Variants in NALF1 observed in about 807,000 individuals in gnomAD.
NALF1 encodes the protein family with sequence similarity 155 member A.
A neutral mutation model predicts 48.4 loss-of-function variants in NALF1; 3 were observed. The ratio of observed to expected loss-of-function variants is 0.06; its 90% CI spans 0.03 to 0.16. The LOEUF is 0.16. NALF1 is among the 10% of genes least tolerant of loss of function. The probability of loss-of-function intolerance (pLI) is 1.00; values close to 1 mark genes in which losing one functional copy is unlikely to be tolerated. For missense variants in NALF1, 526 were observed against 571.5 expected, an observed-to-expected ratio of 0.92 and a Z score of 0.81; for synonymous variants, 262 against 245.7, an observed-to-expected ratio of 1.07 and a Z score of -0.62.
intron 1 of NALF1, among the ~76,000 whole-genome samples, chr13:107,578,409 G>C (rs934723477): frequency 2.0e-5 from 3 of 152,096 alleles, no homozygotes; most frequent in African/African-American, 7.2e-5. Flanking sequence ...CATTCTAATA[G>C]AGTAATTTTT....
chr13:107,629,794 C>T (rs1200628429), intron 1 of NALF1, among the ~76,000 whole-genome samples: 2 of 152,028 alleles, frequency 1.3e-5, no homozygotes, highest in African/African-American at 2.4e-5. Flanking sequence ...AAATATATTA[C>T]TTGAGATATA....
chr13:107,180,917 A>ATGTT (rs2138774362), intron 2 of NALF1, among the ~76,000 whole-genome samples: 1 of 151,800 alleles, frequency 6.6e-6, no homozygotes, highest in Admixed American at 6.6e-5. Flanking sequence ...AATTTCTTTC[A>ATGTT]TGTTTATTTA....
At chr13:107,269,913 A>ATTTTTTTTTATT (rs1881121718) in intron 1 of NALF1, among the ~76,000 whole-genome samples, 1 of 89,044 alleles carries the variant, frequency 1.1e-5, no homozygotes, top group Non-Finnish European at 2.1e-5. Flanking sequence ...CGCCCGGCTA[A>ATTTTTTTTTATT]TTTTTTTTTT....
intron 1 of NALF1, among the ~76,000 whole-genome samples, chr13:107,309,699 C>T (rs772959332): frequency 1.7e-4 from 26 of 152,108 alleles, no homozygotes; most frequent in Non-Finnish European, 2.9e-5. Context: ...TGATTATTCT[C>T]AATTCTGAGT....
intron 1 of NALF1, among the ~76,000 whole-genome samples, chr13:107,511,773 G>A (rs764683526): frequency 3.3e-5 from 5 of 151,966 alleles, no homozygotes; most frequent in African/African-American, 4.8e-5. Context: ...GTTTCATTTC[G>A]TATGTTAAAA....
chr13:107,468,481 A>G (rs1221510798), intron 1 of NALF1, among the ~76,000 whole-genome samples: 1 of 152,250 alleles, frequency 6.6e-6, no homozygotes, highest in Non-Finnish European at 1.5e-5. Flanking sequence ...CAACTGGTTA[A>G]GAGGGGTTGA....
At chr13:107,171,835 A>C (rs1424985044) in intron 2 of NALF1, among the ~76,000 whole-genome samples, 1 of 152,196 alleles carries the variant, frequency 6.6e-6, no homozygotes, top group Non-Finnish European at 1.5e-5. Context: ...AATGTCATGC[A>C]TGAAAAACTT....
chr13:107,421,629 G>A (rs777100960), intron 1 of NALF1, among the ~76,000 whole-genome samples: 4 of 152,080 alleles, frequency 2.6e-5, no homozygotes, highest in African/African-American at 4.8e-5. Context: ...AAAGACAAAC[G>A]AGAGGGTAGT....
At chr13:107,754,480 G>A (rs544123814) in intron 1 of NALF1, among the ~76,000 whole-genome samples, 4 of 151,376 alleles carry the variant, frequency 2.6e-5, no homozygotes, top group Non-Finnish European at 5.9e-5. Context: ...TCTGCGAATC[G>A]ATCTCAATGG....
intron 1 of NALF1, among the ~76,000 whole-genome samples, chr13:107,243,365 C>T (rs1481424565): frequency 6.6e-6 from 1 of 152,182 alleles, no homozygotes; most frequent in African/African-American, 2.4e-5. Context: ...CCCTGGGCCA[C>T]GCAGGTGATT....
At chr13:107,473,895 T>TC (rs1476809720) in intron 1 of NALF1, among the ~76,000 whole-genome samples, 2 of 152,210 alleles carry the variant, frequency 1.3e-5, no homozygotes, top group African/African-American at 4.8e-5. Flanking sequence ...GGCCCTACAC[T>TC]GTCCCTGCAC....
At chr13:107,425,985 C>T (rs896117290) in intron 1 of NALF1, among the ~76,000 whole-genome samples, 2 of 152,108 alleles carry the variant, frequency 1.3e-5, no homozygotes, top group Non-Finnish European at 2.9e-5. Context: ...GATATCTCTG[C>T]ACTATAGTAT....
intron 1 of NALF1, among the ~76,000 whole-genome samples, chr13:107,765,816 T>C (rs1380915864): frequency 6.6e-6 from 1 of 152,122 alleles, no homozygotes; most frequent in African/African-American, 2.4e-5. Context: ...TTACCTAGAT[T>C]TTGAAGATTC....
At chr13:107,865,393 G>A (rs957742185) in intron 1 of NALF1, among the ~76,000 whole-genome samples, 2 of 152,072 alleles carry the variant, frequency 1.3e-5, no homozygotes, top group Non-Finnish European at 2.9e-5. Flanking sequence ...AACAGAGTTT[G>A]AGCCAACTGC....
At chr13:107,344,289 C>T (rs1351164481) in intron 1 of NALF1, among the ~76,000 whole-genome samples, 1 of 152,064 alleles carries the variant, frequency 6.6e-6, no homozygotes, top group East Asian at 1.9e-4. Context: ...CCTTCTCAAA[C>T]TCTTCCAAAA....
chr13:107,365,893 G>A (rs1178999308), intron 1 of NALF1, among the ~76,000 whole-genome samples: 1 of 152,196 alleles, frequency 6.6e-6, no homozygotes, highest in African/African-American at 2.4e-5. Context: ...TTGCCTACAT[G>A]TCAAGCACCT....
intron 1 of NALF1, among the ~76,000 whole-genome samples, chr13:107,763,133 A>G (rs1877314235): frequency 6.6e-6 from 1 of 152,034 alleles, no homozygotes; most frequent in Non-Finnish European, 1.5e-5. Flanking sequence ...TTTTGAAACC[A>G]TTTTATATAG....
chr13:107,177,693 T>C (rs1878966098), intron 2 of NALF1, among the ~76,000 whole-genome samples: 1 of 152,212 alleles, frequency 6.6e-6, no homozygotes. Context: ...GATATCCATA[T>C]GCAGAAGAAT....
At chr13:107,671,999 G>T (rs35106812) in intron 1 of NALF1, among the ~76,000 whole-genome samples, 34 of 65,818 alleles carry the variant, frequency 5.2e-4, no homozygotes, top group Non-Finnish European at 8.0e-4. Context: ...AAATTGCCTT[G>T]AAAAAAAAAA....
Sources: allele counts gnomAD v4.1 joint callset (sites outside exome capture counted in the v4.1 genomes callset), GRCh38; gene constraint gnomAD v4.1.1; transcripts MANE v1.5; gene names NCBI Gene and HGNC (gene_info 2026-07-23, HGNC 2026-07-21).